Variants in PKHD1L1 observed in about 807,000 individuals in gnomAD.
PKHD1L1 encodes fibrocystin-L.
In PKHD1L1, 434 loss-of-function variants were observed where a neutral mutation model predicts 462.9. The ratio of observed to expected loss-of-function variants is 0.94; its 90% CI spans 0.87 to 1.02. PKHD1L1 has a LOEUF of 1.02. Among genes scored for constraint, PKHD1L1 ranks in the 50% least tolerant of loss-of-function variants. The pLI is 0.00. For synonymous variants in PKHD1L1, 1,781 were observed against 1,750.0 expected (o/e 1.02, Z -0.44); for missense variants, 5,202 against 5,096.1 (o/e 1.02, Z -0.63).
chr8:109,475,847 C>CAAAAA (rs35419700), intron 51 of PKHD1L1, among the ~76,000 whole-genome samples: 1 of 95,278 alleles, frequency 1.0e-5, no homozygotes, highest in Non-Finnish European at 2.1e-5. Flanking sequence ...GACTCCATCT[C>CAAAAA]AAAAAAAAAA....
At chr8:109,412,880 C>G (rs889203751) in intron 20 of PKHD1L1, among the ~76,000 whole-genome samples, 1 of 151,952 alleles carries the variant, frequency 6.6e-6, no homozygotes, top group African/African-American at 2.4e-5. Flanking sequence ...CACCCTTTCT[C>G]TTATTTTAAA....
At chr8:109,459,961 ATAT>A (rs1438844066) in intron 47 of PKHD1L1, 125 bp downstream of exon 47, 1 of 796,332 alleles carries the variant, frequency 1.3e-6, no homozygotes, top group Non-Finnish European at 1.7e-6. Context: ...TAATTTAATG[ATAT>A]TAATCTTATA....
chr8:109,461,699 A>T (rs937273556), intron 47 of PKHD1L1, 73 bp from the exon 48 acceptor site: 1 of 1,452,744 alleles, frequency 6.9e-7, no homozygotes, highest in Non-Finnish European at 9.4e-7. Flanking sequence ...TGATACACTT[A>T]GTTATGAGAA....
rs1301005622 is a variant in PKHD1L1 at position 109,381,320 on chromosome 8, T to A, written c.164-50T>A. On this transcript the variant is annotated intron_variant, in intron 2 of 77. Coordinates refer to ENST00000378402, the MANE Select transcript of PKHD1L1 (RefSeq NM_177531.6). ...GATACTAGGTGACAAATGTTAGGTC[T>A]CTGAAGATAGAATACCATTAATAAT... is the stretch of plus-strand genomic sequence containing the variant. 4.1e-6 allele frequency: 6 copies of A among 1,458,006 alleles called. No homozygotes were observed. In the East Asian group the frequency reaches 1.5e-4, roughly 36 times the overall value. The allele number at this position is 1,458,006 out of a possible 1,614,324, so 90.3% of individuals were successfully genotyped here.
intron 46 of PKHD1L1, among the ~76,000 whole-genome samples, chr8:109,457,755 A>T (rs558028996): frequency 3.3e-5 from 5 of 152,302 alleles, no homozygotes; most frequent in African/African-American, 1.2e-4. Context: ...GTTATATTAC[A>T]ACAAAGGAAG....
chr8:109,462,443 C>A (rs1002386173), intron 48 of PKHD1L1, among the ~76,000 whole-genome samples: 5 of 152,178 alleles, frequency 3.3e-5, no homozygotes, highest in Non-Finnish European at 5.9e-5. Context: ...TCCTACGACC[C>A]TATGCCTTGC....
chr8:109,466,594 C>T lies in PKHD1L1; in HGVS notation c.8430C>T (p.Thr2810=), dbSNP rs145809322. The T allele has an allele frequency of 9.9e-5, 158 of 1,595,916 alleles. No homozygotes were observed. In the Middle Eastern group the frequency reaches 2.7e-3, roughly 27 times the overall value. Residue 2810 remains threonine (T), a synonymous_variant, in exon 50 of 78, where the codon ACC becomes ACT. Coordinates refer to ENST00000378402, the MANE Select transcript of PKHD1L1 (RefSeq NM_177531.6). The part of the protein sequence containing the change: ...DGSLTGHKGH[T]VIPHSSLLDP... ...GTTTCCCAGGGCACAAAGGACATAC[C>T]GTCATTCCACACAGCTCATTGCTAG...
intron 67 of PKHD1L1, among the ~76,000 whole-genome samples, chr8:109,499,852 C>T (rs1012538182): frequency 6.6e-6 from 1 of 152,140 alleles, no homozygotes; most frequent in Non-Finnish European, 1.5e-5. Flanking sequence ...ATACTTGATG[C>T]CACTGGGAAA....
Position 109,518,196 on chromosome 8 carries a change from G to A in PKHD1L1, c.11719G>A (p.Val3907Ile). 1.2e-6 allele frequency: 2 copies of A among 1,604,868 alleles called. No homozygotes were observed. Among genetic ancestry groups the A allele is most frequent in the Non-Finnish European group, 1.7e-6 (2 of 1,172,644 alleles). ...ATTCCTTCCTAACCTGGATTCCACTGTCCTTGGTGAAAACTACTTTGATGG... is the reference window on the plus strand; with the variant it reads ...ATTCCTTCCTAACCTGGATTCCACTATCCTTGGTGAAAACTACTTTGATGG... ...DQFLPNLDSTVLGENYFDGTY... is the reference protein window; with the variant it reads ...DQFLPNLDSTILGENYFDGTY... Residue 3907 changes from valine (V) to isoleucine (I), a missense_variant, in exon 73 of 78, where the codon GTC (valine) becomes ATC (isoleucine). Physicochemically the swap from Val to Ile is conservative, Grantham distance 29 (BLOSUM62 3). Around this residue, in one of 3 missense-constraint regions of PKHD1L1, gnomAD observed 698 missense variants for 736.3 expected, o/e 0.95. Transcript: ENST00000378402.
chr8:109,501,218 C>A (rs1819393110), intron 67 of PKHD1L1, among the ~76,000 whole-genome samples: 1 of 152,184 alleles, frequency 6.6e-6, no homozygotes, highest in South Asian at 2.1e-4. Flanking sequence ...CTTCAAGAAT[C>A]TATTCCACCA....
chr8:109,508,187 G>T lies in PKHD1L1; in HGVS notation c.11318G>T (p.Ser3773Ile). 1 of 1,613,358 alleles carries T rather than the reference G, an allele frequency of 6.2e-7. No homozygotes were observed. The highest frequency in any genetic ancestry group is 8.5e-7 in the Non-Finnish European group (1 of 1,179,470). Residue 3773 changes from serine (S) to isoleucine (I), a missense_variant, in exon 70 of 78, where the codon AGT becomes ATT. Ser to Ile is a moderately radical substitution (Grantham distance 142). Around this residue, in one of 3 missense-constraint regions of PKHD1L1, gnomAD observed 698 missense variants for 736.3 expected, o/e 0.95. Transcript: ENST00000378402. ...GMEYAMMVIE[S>I]LDPDTETRRL... is the part of the protein sequence containing the mutation. ...GAATATGCAATGATGGTTATTGAAA[G>T]TCTGGATCCTGACACAGAAACTCGA...
chr8:109,390,141 C>G (rs1345654870), intron 8 of PKHD1L1, among the ~76,000 whole-genome samples: 2 of 152,084 alleles, frequency 1.3e-5, no homozygotes, highest in African/African-American at 4.8e-5. Context: ...AGTTAAATAG[C>G]TGTTAAATAA....
intron 60 of PKHD1L1, 116 bp downstream of exon 60, chr8:109,490,171 A>G: frequency 1.5e-6 from 1 of 652,490 alleles, no homozygotes; most frequent in South Asian, 2.8e-5. Flanking sequence ...CTAATATAAT[A>G]AAACTTTCTT....
intron 59 of PKHD1L1, among the ~76,000 whole-genome samples, chr8:109,487,406 A>G (rs1818582640): frequency 6.6e-6 from 1 of 151,852 alleles, no homozygotes; most frequent in Non-Finnish European, 1.5e-5. Flanking sequence ...TTATCATCAA[A>G]TGATACTTCA....
intron 57 of PKHD1L1, among the ~76,000 whole-genome samples, chr8:109,484,396 G>T (rs559779536): frequency 2.6e-5 from 4 of 152,020 alleles, no homozygotes; most frequent in Admixed American, 6.6e-5. Context: ...ATTGGAGTGG[G>T]AGAGTCAGAT....
chr8:109,401,409 C>A, intron 13 of PKHD1L1, 88 bp from the exon 14 acceptor site: 3 of 731,218 alleles, frequency 4.1e-6, no homozygotes, highest in African/African-American at 1.8e-5. Context: ...ACTTCTAAAA[C>A]TGAAATAATA....
intron 70 of PKHD1L1, among the ~76,000 whole-genome samples, chr8:109,508,574 T>C (rs1819817840): frequency 6.6e-6 from 1 of 151,458 alleles, no homozygotes; most frequent in African/African-American, 2.4e-5. Flanking sequence ...ATTGATAAGG[T>C]GGTATAAGTA....
chr8:109,419,138 C>T lies in PKHD1L1; in HGVS notation c.2402C>T (p.Thr801Met), dbSNP rs199909220. The T allele has an allele frequency of 2.4e-4, 382 of 1,613,306 alleles. 1 individual carries two copies. Among genetic ancestry groups the T allele is most frequent in the Admixed American group, 7.8e-4 (47 of 59,980 alleles). Residue 801 changes from threonine to methionine, a missense_variant, in exon 22 of 78, where the codon ACG becomes ATG. Coordinates refer to ENST00000378402, the MANE Select transcript of PKHD1L1 (RefSeq NM_177531.6). ...ATAGACCTTCTGGATCTCGTAAGAA[C>T]GAAATACACTGGGACAAATGTTTCT... is the stretch of plus-strand genomic sequence containing the variant. The part of the protein sequence containing the change: ...TCIDLLDLVR[T>M]KYTGTNVSLQ...
rs1586471402 is a variant in PKHD1L1 at position 109,419,178 on chromosome 8, C to T, written c.2442C>T (p.Ser814=). The part of the protein sequence containing the change: ...TGTNVSLQRI[S]LHKASESQSF... Reference sequence around the variant, plus strand: ...CAAATGTTTCTCTTCAGAGGATTAGCTTACATAAAGCATCAGAATCACAGT... The same window carrying T: ...CAAATGTTTCTCTTCAGAGGATTAGTTTACATAAAGCATCAGAATCACAGT... Residue 814 remains serine, a synonymous_variant, in exon 22 of 78, where the codon AGC becomes AGT. Transcript: ENST00000378402. 1 of 1,613,374 alleles carries T rather than the reference C, an allele frequency of 6.2e-7. No homozygotes were observed. Among genetic ancestry groups the T allele is most frequent in the Non-Finnish European group, 8.5e-7 (1 of 1,179,560 alleles).
Sources: allele counts gnomAD v4.1 joint callset (sites outside exome capture counted in the v4.1 genomes callset), GRCh38; gene constraint gnomAD v4.1.1; regional missense constraint gnomAD v4.1.1; transcripts MANE v1.5; gene names NCBI Gene and HGNC (gene_info 2026-07-23, HGNC 2026-07-21).